GLDN: variants seen among roughly 807,000 people sequenced by gnomAD.
The protein encoded by GLDN is gliomedin.
A neutral mutation model predicts 56.5 loss-of-function variants in GLDN; 47 were observed. The observed-to-expected ratio is 0.83, with a 90% CI of 0.66 to 1.06. The LOEUF is 1.06. Among genes scored for constraint, GLDN ranks in the 50% least tolerant of loss-of-function variants. The probability of loss-of-function intolerance (pLI) is 0.00; values close to 1 mark genes in which losing one functional copy is unlikely to be tolerated. For synonymous variants in GLDN, 332 were observed against 278.8 expected (o/e 1.19, Z -1.90); for missense variants, 782 against 714.3 (o/e 1.09, Z -1.08).
rs1313504040 is a variant in GLDN, at chr15:51,407,843, G to T, written c.*3089G>T. On this transcript the variant is annotated 3_prime_UTR_variant, in exon 10 of 10. Transcript: ENST00000335449. ...AAGTGAAGGAGAAATGAGTGATAGG[G>T]CTTTGCGTTTTCATCCAGATGCTGT... is the stretch of plus-strand genomic sequence containing the variant. 1 of 152,194 alleles carries T rather than the reference G, an allele frequency of 6.6e-6. No homozygotes were observed. Among genetic ancestry groups the T allele is most frequent in the Non-Finnish European group, 1.5e-5 (1 of 68,034 alleles). 9.4% of individuals were successfully genotyped at this position (152,194 alleles called of 1,614,324 possible).
chr15:51,409,987 C>T (rs116186449), downstream of GLDN, among the ~76,000 whole-genome samples: 25 of 152,256 alleles, frequency 1.6e-4, no homozygotes, highest in African/African-American at 6.0e-4. Flanking sequence ...TCGGTAATGC[C>T]CAGCCTCACC....
chr15:51,409,504 A>G (rs760787512), downstream of GLDN, among the ~76,000 whole-genome samples: 8 of 152,224 alleles, frequency 5.3e-5, no homozygotes, highest in Non-Finnish European at 1.2e-4. Flanking sequence ...TGTTTCCTCC[A>G]AACACTCTGC....
rs2038369780 is a variant in GLDN, at chr15:51,405,863, A to G, written c.*1109A>G. The G allele has an allele frequency of 6.6e-6, 1 of 152,220 alleles. No homozygotes were observed. The highest frequency in any genetic ancestry group is 6.5e-5 in the Admixed American group (1 of 15,284). The allele number at this position is 152,220 out of a possible 1,614,324, so 9.4% of individuals were successfully genotyped here. ...CACAGCCACACTCATTTGTTTATGC[A>G]GTACGGCCTGACATTGCTTTTGCTC... On this transcript the variant is annotated 3_prime_UTR_variant, in exon 10 of 10. Coordinates refer to ENST00000335449, the MANE Select transcript of GLDN (RefSeq NM_181789.4).
intron 1 of GLDN, among the ~76,000 whole-genome samples, chr15:51,373,792 C>T (rs1372265737): frequency 6.6e-6 from 1 of 152,216 alleles, no homozygotes; most frequent in East Asian, 1.9e-4. Flanking sequence ...CTAGTACCCC[C>T]AGGACAATGA....
At chr15:51,409,975 A>C (rs2038448603), downstream of GLDN, among the ~76,000 whole-genome samples, 1 of 152,100 alleles carries the variant, frequency 6.6e-6, no homozygotes, top group African/African-American at 2.4e-5. Flanking sequence ...AAGTTCCATC[A>C]CTCGGTAATG....
chr15:51,369,433 G>A (rs887439763), intron 1 of GLDN, among the ~76,000 whole-genome samples: 2 of 152,232 alleles, frequency 1.3e-5, no homozygotes, highest in Admixed American at 6.5e-5. Flanking sequence ...CCTGTGCTTG[G>A]AGAACTTCAG....
chr15:51,392,524 T>C (rs2445744), intron 4 of GLDN, among the ~76,000 whole-genome samples: 42,593 of 152,164 alleles, frequency 0.28, 6,626 homozygotes, highest in Admixed American at 0.36. Flanking sequence ...TATATTACAA[T>C]GTAATAATAG....
rs532845117 is a variant in GLDN, at chr15:51,374,816, C to T, written c.364-2633C>T. Among the ~76,000 whole-genome samples, 106 of 147,470 alleles carry T rather than the reference C, an allele frequency of 7.2e-4. No individual in the cohort carries two copies. In the Middle Eastern group the frequency reaches 0.024, roughly 34 times the overall value. On this transcript the variant is annotated intron_variant, in intron 1 of 9. Coordinates refer to ENST00000335449, the MANE Select transcript of GLDN (RefSeq NM_181789.4). ...GCAGTGGTGGGATCACTGTTCACTG[C>T]AGCCTCAGCCTCCAGGGTTCAAACA...
At chr15:51,388,339 C>A (rs571785617) in intron 4 of GLDN, among the ~76,000 whole-genome samples, 1 of 152,026 alleles carries the variant, frequency 6.6e-6, no homozygotes, top group African/African-American at 2.4e-5. Flanking sequence ...TTTGCTATTG[C>A]GCTAATGGTG....
chr15:51,384,596 G>A (rs1308512804), intron 4 of GLDN: 2 of 153,744 alleles, frequency 1.3e-5, no homozygotes, highest in African/African-American at 4.8e-5. Context: ...GCAGGAGGCT[G>A]GGGCACAAAG....
chr15:51,349,933 C>T (rs1051965775), intron 1 of GLDN, among the ~76,000 whole-genome samples: 17 of 151,998 alleles, frequency 1.1e-4, no homozygotes, highest in Non-Finnish European at 2.1e-4. Context: ...TTAGTAGAGA[C>T]GGGGTTTCAC....
intron 1 of GLDN, among the ~76,000 whole-genome samples, chr15:51,372,892 T>A (rs1426119704): frequency 6.6e-6 from 1 of 152,128 alleles, no homozygotes; most frequent in Non-Finnish European, 1.5e-5. Flanking sequence ...AAGTCCAAGA[T>A]TGAGGTACCA....
intron 2 of GLDN, among the ~76,000 whole-genome samples, chr15:51,380,445 G>T (rs2037733104): frequency 6.6e-6 from 1 of 152,192 alleles, no homozygotes; most frequent in South Asian, 2.1e-4. Flanking sequence ...TAAACACCCA[G>T]TTGGCACACA....
intron 1 of GLDN, among the ~76,000 whole-genome samples, chr15:51,342,769 C>T (rs2036909856): frequency 1.3e-5 from 2 of 152,122 alleles, no homozygotes; most frequent in South Asian, 2.1e-4. Context: ...AGGGAGTACA[C>T]GGAACTGCAG....
chr15:51,369,550 A>G (rs1489328583), intron 1 of GLDN, among the ~76,000 whole-genome samples: 1 of 152,190 alleles, frequency 6.6e-6, no homozygotes, highest in Non-Finnish European at 1.5e-5. Context: ...TCTGAGAGTA[A>G]AAGGTGAGAG....
In GLDN at chr15:51,341,673, G is replaced by C; in HGVS notation, c.-12G>C. The stretch of plus-strand genomic sequence containing the variant: ...GGCTGCCAAGCCCTGCCCTGCCCAA[G>C]GCGCATAGAGCATGGCCCGAGGCGC... On this transcript the variant is annotated 5_prime_UTR_variant, in exon 1 of 10. Transcript: ENST00000335449. 1 of 1,392,776 alleles carries C rather than the reference G, an allele frequency of 7.2e-7. No homozygotes were observed. The highest frequency in any genetic ancestry group is 9.2e-7 in the Non-Finnish European group (1 of 1,085,686). The allele number at this position is 1,392,776 out of a possible 1,614,324, so 86.3% of individuals were successfully genotyped here.
chr15:51,351,185 G>A (rs1021711034), intron 1 of GLDN: 22 of 288,414 alleles, frequency 7.6e-5, no homozygotes, highest in East Asian at 2.7e-4. Flanking sequence ...CCTTCTCTTA[G>A]ATCTGTTTAG....
At chr15:51,349,705 A>G (rs1382975983) in intron 1 of GLDN, among the ~76,000 whole-genome samples, 2 of 150,566 alleles carry the variant, frequency 1.3e-5, no homozygotes, top group African/African-American at 4.9e-5. Context: ...CCAGACCTCC[A>G]CTTACATCGT....
At chr15:51,366,127 T>A (rs540912881) in intron 1 of GLDN, among the ~76,000 whole-genome samples, 15 of 151,692 alleles carry the variant, frequency 9.9e-5, no homozygotes, top group African/African-American at 3.7e-4. Flanking sequence ...GTTAAGGAGA[T>A]AGAACGTCAA....
Sources: gnomAD v4.1 joint callset for allele counts (sites outside exome capture counted in the v4.1 genomes callset) on GRCh38, gnomAD v4.1.1 for gene constraint, MANE v1.5 for transcripts, NCBI Gene and HGNC (gene_info 2026-07-23, HGNC 2026-07-21) for gene names.